Variants in DDX55 observed in about 807,000 individuals in gnomAD.
DDX55 encodes ATP-dependent RNA helicase DDX55.
In DDX55, 56 loss-of-function variants were observed where a neutral mutation model predicts 69.2. That is an observed-to-expected ratio of 0.81 (90% CI 0.65 to 1.01). The LOEUF is 1.01. Ranked by LOEUF, DDX55 falls within the 50% of genes least tolerant of loss-of-function variation. The pLI is 0.00. For missense variants in DDX55, 720 were observed against 745.1 expected (o/e 0.97, Z 0.39); for synonymous variants, 268 against 273.1 (o/e 0.98, Z 0.18).
chr12:123,615,723 G>A (rs1566197730), intron 9 of DDX55, among the ~76,000 whole-genome samples: 2 of 152,302 alleles, frequency 1.3e-5, no homozygotes, highest in East Asian at 1.9e-4. Context: ...GGTGGCTCAC[G>A]CCTGTAATCC....
intron 10 of DDX55, 116 bp downstream of exon 10, chr12:123,616,719 C>A: frequency 8.7e-7 from 1 of 1,153,700 alleles, no homozygotes; most frequent in Non-Finnish European, 1.3e-6. Context: ...AGCAAGCCTC[C>A]AGCGTGCTTG....
In DDX55 at chr12:123,607,630, T is replaced by C. The variant is rs774667124; in HGVS notation, c.369T>C (p.Pro123=). The change falls in exon 5 of 14, where the codon CCT becomes CCC. Residue 123 remains proline, a synonymous_variant. Transcript: ENST00000238146. ...TTCTTTGGATCGGAGGCAGGAATCC[T>C]GGAGAAGATGTTGAGAGGTTTAAGC... ...SQILWIGGRN[P]GEDVERFKQQ... 2 of 1,614,190 alleles carry C rather than the reference T, an allele frequency of 1.2e-6. No homozygotes were observed. Among genetic ancestry groups the C allele is most frequent in the East Asian group, 2.2e-5 (1 of 44,882 alleles).
chr12:123,610,073 G>C lies in DDX55; in HGVS notation c.686G>C (p.Gly229Ala), dbSNP rs1384934043. 1 of 1,614,056 alleles carries C rather than the reference G, an allele frequency of 6.2e-7. No individual in the cohort carries two copies. Among genetic ancestry groups the C allele is most frequent in the South Asian group, 1.1e-5 (1 of 91,084 alleles). The change falls in exon 7 of 14, where the codon GGC (glycine) becomes GCC (alanine). Residue 229 changes from glycine (G) to alanine (A), a missense_variant. Physicochemically the swap from Gly to Ala is moderately conservative, Grantham distance 60. Transcript: ENST00000238146. ...GTCCGGGTCTCAGTGAAGGAGAAGGGCGTGGCAGCCAGCAGTGCCCAGAAG... is the reference window on the plus strand; with the variant it reads ...GTCCGGGTCTCAGTGAAGGAGAAGGCCGTGGCAGCCAGCAGTGCCCAGAAG... ...NPVRVSVKEK[G>A]VAASSAQKTP...
chr12:123,606,308 C>A, intron 3 of DDX55, 149 bp downstream of exon 3: 2 of 936,286 alleles, frequency 2.1e-6, no homozygotes, highest in Non-Finnish European at 3.1e-6. Context: ...TCTGGAGGAT[C>A]ACTGGAGTCC....
rs760942599 is a variant in DDX55, at chr12:123,619,673, G to C, written c.1575G>C (p.Lys525Asn). ...AAAATAAAGCTTGGTCAAAGCAGAA[G>C]GCCAAAAAAGAAAAGAAGAAAAAAA... Reference protein sequence around the residue: ...FIKNKAWSKQKAKKEKKKKMN... With the variant: ...FIKNKAWSKQNAKKEKKKKMN... The change falls in exon 13 of 14, where the codon AAG becomes AAC. Residue 525 changes from lysine (K) to asparagine (N), a missense_variant. By Grantham distance (94) the Lys-to-Asn change is moderately conservative. Transcript: ENST00000238146. 2.8e-5 allele frequency: 45 copies of C among 1,580,652 alleles called. No homozygotes were observed. Among genetic ancestry groups the C allele is most frequent in the Admixed American group, 1.2e-4 (6 of 50,560 alleles).
intron 5 of DDX55, 186 bp from the exon 6 acceptor site, chr12:123,608,494 C>T: frequency 1.5e-6 from 1 of 655,918 alleles, no homozygotes; most frequent in East Asian, 2.8e-5. Flanking sequence ...AGCCCAGAAC[C>T]CAGATCCCGT....
chr12:123,605,647 C>A, intron 1 of DDX55: 1 of 519,606 alleles, frequency 1.9e-6, no homozygotes. Context: ...ACCCTAAAAC[C>A]CAATGTCTTC....
At chr12:123,608,872 A>G (rs749994474) in intron 6 of DDX55, 43 bp downstream of exon 6, 1 of 1,542,032 alleles carries the variant, frequency 6.5e-7, no homozygotes, top group South Asian at 1.2e-5. Flanking sequence ...GGCAGATGAT[A>G]CTAATACAAA....
intron 10 of DDX55, among the ~76,000 whole-genome samples, chr12:123,617,135 CTCTG>C (rs1466538227): frequency 1.3e-5 from 2 of 152,208 alleles, no homozygotes; most frequent in Non-Finnish European, 2.9e-5. Flanking sequence ...CAGTGTGAGA[CTCTG>C]TCTCAAAACA....
chr12:123,602,996 G>A (rs1953662620), intron 1 of DDX55, among the ~76,000 whole-genome samples: 1 of 152,216 alleles, frequency 6.6e-6, no homozygotes, highest in Admixed American at 6.5e-5. Context: ...AGAAATACCA[G>A]TGCACATAAA....
chr12:123,606,140 A>T lies in DDX55; in HGVS notation c.227A>T (p.Glu76Val). ...CTGGAAATTCTTCTGAGAAGAGAAGAGAAGTTAAAAAAGAGTCAGGTGAGG... is the reference window on the plus strand; with the variant it reads ...CTGGAAATTCTTCTGAGAAGAGAAGTGAAGTTAAAAAAGAGTCAGGTGAGG... The part of the protein sequence containing the change: ...PILEILLRRE[E>V]KLKKSQVGAI... Residue 76 changes from glutamate to valine, a missense_variant, in exon 3 of 14, where the codon GAG becomes GTG. Glu to Val is a moderately radical substitution (Grantham distance 121). Transcript: ENST00000238146. The T allele has an allele frequency of 6.2e-7, 1 of 1,614,148 alleles. No homozygotes were observed. The highest frequency in any genetic ancestry group is 8.5e-7 in the Non-Finnish European group (1 of 1,179,998).
At chr12:123,612,719 C>A (rs953015430) in intron 7 of DDX55, among the ~76,000 whole-genome samples, 2 of 151,148 alleles carry the variant, frequency 1.3e-5, no homozygotes, top group Non-Finnish European at 2.9e-5. Flanking sequence ...CGAGGTGGCT[C>A]ACGCCTGTAA....
At chr12:123,618,633 AG>A (rs1360374512) in intron 11 of DDX55, 35 bp from the exon 12 acceptor site, 39 of 1,595,996 alleles carry the variant, frequency 2.4e-5, no homozygotes, top group Non-Finnish European at 3.2e-5. Context: ...GATGCCAGCC[AG>A]GGAAGGTGAG....
At chr12:123,602,890 A>C (rs1311381140) in intron 1 of DDX55, among the ~76,000 whole-genome samples, 1 of 152,202 alleles carries the variant, frequency 6.6e-6, no homozygotes. Context: ...TAGGGTGTTA[A>C]GGAAGGCCTC....
chr12:123,616,922 A>C (rs1156381449), intron 10 of DDX55: 1 of 296,078 alleles, frequency 3.4e-6, no homozygotes, highest in African/African-American at 2.2e-5. Context: ...GGGGAGGCCG[A>C]GGCAGGTGAA....
chr12:123,618,997 A>G (rs937575334), intron 12 of DDX55, among the ~76,000 whole-genome samples, 160 bp downstream of exon 12: 2 of 152,212 alleles, frequency 1.3e-5, no homozygotes, highest in Non-Finnish European at 2.9e-5. Context: ...TTAACTTTGT[A>G]AAAATGTAAT....
chr12:123,620,114 A>G lies in DDX55; in HGVS notation c.1777A>G (p.Ile593Val). Residue 593 changes from isoleucine to valine, a missense_variant, in exon 14 of 14, where the codon ATC becomes GTC. By Grantham distance (29) the Ile-to-Val change is conservative. Coordinates refer to ENST00000238146, the MANE Select transcript of DDX55 (RefSeq NM_020936.3). The stretch of plus-strand genomic sequence containing the variant: ...AACAATCAAGACAGTGGATTTAGGG[A>G]TCTCAGATTTGGAAGATGACTGCTG... ...KRTIKTVDLG[I>V]SDLEDDC 5.6e-6 allele frequency: 9 copies of G among 1,613,870 alleles called. No homozygotes were observed. The highest frequency in any genetic ancestry group is 7.6e-6 in the Non-Finnish European group (9 of 1,179,834).
At chr12:123,603,937 G>A (rs1283545797) in intron 1 of DDX55, among the ~76,000 whole-genome samples, 1 of 151,990 alleles carries the variant, frequency 6.6e-6, no homozygotes, top group Non-Finnish European at 1.5e-5. Context: ...CAAGTAGCTG[G>A]GGTTACAGGC....
chr12:123,607,597 T>A lies in DDX55; in HGVS notation c.339-3T>A, dbSNP rs775627647. 1.1e-5 allele frequency: 18 copies of A among 1,614,204 alleles called. No individual in the cohort carries two copies. The South Asian group carries it at 1.9e-4, about 17-fold the overall frequency. On this transcript the variant is annotated splice_region_variant and splice_polypyrimidine_tract_variant and intron_variant, in intron 4 of 13. Transcript: ENST00000238146. ...TTAATCAAAGGCTGTTTTCTTGTTG[T>A]AGCCAGATTCTTTGGATCGGAGGCA...
Sources: allele counts gnomAD v4.1 joint callset (sites outside exome capture counted in the v4.1 genomes callset), GRCh38; gene constraint gnomAD v4.1.1; transcripts MANE v1.5; gene names NCBI Gene and HGNC (gene_info 2026-07-23, HGNC 2026-07-21).